The following NKAIN2 variants were observed in gnomAD, a reference collection of about 807,000 sequenced individuals.
NKAIN2 encodes sodium/potassium-transporting ATPase subunit beta-1-interacting protein 2.
A neutral mutation model predicts 32.6 loss-of-function variants in NKAIN2; 14 were observed. That is an observed-to-expected ratio of 0.43 (90% CI 0.28 to 0.67). The LOEUF is 0.67. Ranked by LOEUF, NKAIN2 falls within the 30% of genes least tolerant of loss-of-function variation. The probability of loss-of-function intolerance (pLI) is 0.17; values close to 1 mark genes in which losing one functional copy is unlikely to be tolerated. For missense variants in NKAIN2, 198 were observed against 258.3 expected (o/e 0.77, Z 1.60); for synonymous variants, 80 against 87.2 (o/e 0.92, Z 0.46).
chr6:124,441,130 T>C (rs1007710939), intron 3 of NKAIN2, among the ~76,000 whole-genome samples: 1 of 152,058 alleles, frequency 6.6e-6, no homozygotes, highest in African/African-American at 2.4e-5. Context: ...GAGCCGTGAA[T>C]CTCATGATTC....
At chr6:124,510,988 T>A (rs1212904079) in intron 3 of NKAIN2, among the ~76,000 whole-genome samples, 1 of 152,156 alleles carries the variant, frequency 6.6e-6, no homozygotes, top group Non-Finnish European at 1.5e-5. Flanking sequence ...ACACATAGTG[T>A]GTTATTGGAA....
intron 1 of NKAIN2, among the ~76,000 whole-genome samples, chr6:123,944,407 C>T (rs12196910): frequency 0.23 from 34,236 of 151,988 alleles, 4,339 homozygotes; most frequent in South Asian, 0.37. Context: ...CTTGACTCCC[C>T]ACCTTTGTCT....
At chr6:124,289,589 G>GA (rs889173480) in intron 2 of NKAIN2, among the ~76,000 whole-genome samples, 2 of 152,110 alleles carry the variant, frequency 1.3e-5, no homozygotes, top group South Asian at 2.1e-4. Flanking sequence ...TTGCATGGGG[G>GA]AAAAATCCTC....
intron 3 of NKAIN2, among the ~76,000 whole-genome samples, chr6:124,546,847 T>C (rs544503289): frequency 1.3e-4 from 20 of 152,252 alleles, no homozygotes; most frequent in African/African-American, 4.8e-4. Flanking sequence ...GAGAAGAACA[T>C]CTCAGGCAGA....
At chr6:124,212,484 G>T (rs1031071308) in intron 1 of NKAIN2, among the ~76,000 whole-genome samples, 3 of 152,102 alleles carry the variant, frequency 2.0e-5, no homozygotes, top group Admixed American at 6.6e-5. Flanking sequence ...CCTAGGAATT[G>T]GTCCAATGGC....
At chr6:123,914,657 C>G (rs1384127201) in intron 1 of NKAIN2, among the ~76,000 whole-genome samples, 1 of 152,082 alleles carries the variant, frequency 6.6e-6, no homozygotes, top group African/African-American at 2.4e-5. Flanking sequence ...CACTAGCAAG[C>G]TTTAGGGCTA....
intron 1 of NKAIN2, among the ~76,000 whole-genome samples, chr6:123,913,180 A>T (rs1207390431): frequency 6.6e-6 from 1 of 152,232 alleles, no homozygotes; most frequent in Admixed American, 6.5e-5. Context: ...CATCCAACAT[A>T]ATTTCCTAAC....
chr6:124,796,062 G>T (rs1409510340), intron 5 of NKAIN2, among the ~76,000 whole-genome samples: 3 of 152,116 alleles, frequency 2.0e-5, no homozygotes, highest in African/African-American at 7.2e-5. Flanking sequence ...GACTCACAGG[G>T]TGCCACTGCC....
intron 1 of NKAIN2, among the ~76,000 whole-genome samples, chr6:123,902,765 T>C (rs184275580): frequency 1.3e-5 from 2 of 152,186 alleles, no homozygotes; most frequent in African/African-American, 4.8e-5. Context: ...GAAACAGCTG[T>C]CAGATAAATT....
chr6:124,186,375 C>G (rs1159585247), intron 1 of NKAIN2, among the ~76,000 whole-genome samples: 1 of 151,896 alleles, frequency 6.6e-6, no homozygotes, highest in Non-Finnish European at 1.5e-5. Flanking sequence ...CACAGGAGTT[C>G]CAGGTGCATT....
At chr6:124,757,494 C>T (rs1337994530) in intron 4 of NKAIN2, among the ~76,000 whole-genome samples, 3 of 152,144 alleles carry the variant, frequency 2.0e-5, no homozygotes, top group African/African-American at 4.8e-5. Flanking sequence ...GATCAGATAT[C>T]AAACCAGATA....
At chr6:123,811,406 G>A (rs573417877) in intron 1 of NKAIN2, among the ~76,000 whole-genome samples, 1 of 68,084 alleles carries the variant, frequency 1.5e-5, no homozygotes, top group Non-Finnish European at 2.4e-5. Context: ...TAAGCACAGC[G>A]CTGGGGTGGG....
chr6:124,469,579 A>T (rs759761036), intron 3 of NKAIN2, among the ~76,000 whole-genome samples: 2 of 152,212 alleles, frequency 1.3e-5, no homozygotes, highest in Non-Finnish European at 2.9e-5. Flanking sequence ...TAATGTAAAC[A>T]ACAATCATAT....
chr6:124,322,166 T>C lies in NKAIN2; in HGVS notation c.193-33101T>C, dbSNP rs1306723584. ...ATTTAGTAGAATATACCTTTTTGCT[T>C]ATTAAGATGAAAATGTTTATTTAAT... On this transcript the variant is annotated intron_variant, in intron 2 of 6. Transcript: ENST00000368417. Among the ~76,000 whole-genome samples the C allele has an allele frequency of 3.3e-5, 5 of 152,286 alleles. No individual in the cohort carries two copies. The South Asian group carries it at 6.2e-4, about 19-fold the overall frequency.
intron 3 of NKAIN2, among the ~76,000 whole-genome samples, chr6:124,488,070 A>G (rs980502664): frequency 6.6e-6 from 1 of 152,118 alleles, no homozygotes; most frequent in Non-Finnish European, 1.5e-5. Flanking sequence ...TGCATTGTGC[A>G]TCACTTCAGT....
intron 2 of NKAIN2, among the ~76,000 whole-genome samples, chr6:124,311,358 C>A (rs1427412751): frequency 3.3e-5 from 5 of 152,134 alleles, no homozygotes; most frequent in African/African-American, 1.2e-4. Flanking sequence ...AAACTCTCCG[C>A]ATTTAATAGG....
At chr6:124,717,233 A>G (rs1775796969) in intron 4 of NKAIN2, among the ~76,000 whole-genome samples, 1 of 152,204 alleles carries the variant, frequency 6.6e-6, no homozygotes, top group Admixed American at 6.5e-5. Flanking sequence ...TATTCTATAA[A>G]TTGTAGCACT....
intron 1 of NKAIN2, among the ~76,000 whole-genome samples, chr6:124,093,146 C>A (rs1784503789): frequency 6.6e-6 from 1 of 152,026 alleles, no homozygotes; most frequent in Non-Finnish European, 1.5e-5. Flanking sequence ...CCTCAAATAT[C>A]CTGAAATTCA....
At chr6:124,661,352 G>A (rs552276129) in intron 4 of NKAIN2, among the ~76,000 whole-genome samples, 8 of 152,150 alleles carry the variant, frequency 5.3e-5, no homozygotes, top group Non-Finnish European at 8.8e-5. Context: ...ATAAACTGCT[G>A]CTTTCTCAGC....
Sources: gnomAD v4.1 joint callset for allele counts (sites outside exome capture counted in the v4.1 genomes callset) on GRCh38, gnomAD v4.1.1 for gene constraint, MANE v1.5 for transcripts, NCBI Gene and HGNC (gene_info 2026-07-23, HGNC 2026-07-21) for gene names.